C12orf56: variants seen among roughly 807,000 people sequenced by gnomAD.
The protein encoded by C12orf56 is uncharacterized protein C12orf56.
C12orf56 carries 71 observed loss-of-function variants against 69.9 expected under a neutral mutation model. The ratio of observed to expected loss-of-function variants is 1.02; its 90% CI spans 0.84 to 1.24. C12orf56 has a LOEUF of 1.24. C12orf56 is among the 50% of genes most tolerant of loss of function. The pLI, the probability that C12orf56 is intolerant of heterozygous loss-of-function variation, is 0.00. For missense variants in C12orf56, 732 were observed against 738.5 expected (o/e 0.99, Z 0.10); for synonymous variants, 276 against 274.1 (o/e 1.01, Z -0.07).
chr12:64,270,737 C>T, intron 11 of C12orf56, 23 bp from the exon 12 acceptor site: 1 of 1,567,758 alleles, frequency 6.4e-7, no homozygotes, highest in Non-Finnish European at 8.6e-7. Context: ...AATACAGTTA[C>T]ATGTAGGCTG....
At chr12:64,272,299 G>C (rs2136744357) in intron 11 of C12orf56, among the ~76,000 whole-genome samples, 1 of 152,282 alleles carries the variant, frequency 6.6e-6, no homozygotes, top group African/African-American at 2.4e-5. Flanking sequence ...GAGGTCAGGA[G>C]TTTGAGACCA....
chr12:64,267,538 C>T, intron 12 of C12orf56: 1 of 470,596 alleles, frequency 2.1e-6, no homozygotes, highest in Non-Finnish European at 3.8e-6. Context: ...ACTGTCCTCA[C>T]CACAGTATGA....
At position 64,264,877 on chromosome 12, in the gene C12orf56, T is replaced by G. The variant is rs2037904334; in HGVS notation, c.*2306A>C. 1.3e-5 allele frequency: 2 copies of G among 152,224 alleles called. No individual in the cohort carries two copies. Among genetic ancestry groups the G allele is most frequent in the Non-Finnish European group, 2.9e-5 (2 of 68,046 alleles). 9.4% of individuals were successfully genotyped at this position (152,224 alleles called of 1,614,324 possible). ...ATCAGGGTGACAAATATTCAACCAT[T>G]AACTCTCCAAAAAACCACTGACTTT... On this transcript the variant is annotated 3_prime_UTR_variant, in exon 13 of 13. Transcript: ENST00000543942.
chr12:64,311,281 A>G (rs1168382749), intron 5 of C12orf56, among the ~76,000 whole-genome samples: 2 of 151,958 alleles, frequency 1.3e-5, no homozygotes, highest in Non-Finnish European at 1.5e-5. Context: ...CTAAAAATAA[A>G]AAAATTAGCC....
At chr12:64,304,053 C>G (rs556647014) in intron 5 of C12orf56, among the ~76,000 whole-genome samples, 1 of 152,120 alleles carries the variant, frequency 6.6e-6, no homozygotes, top group Non-Finnish European at 1.5e-5. Context: ...AAATTTCTGT[C>G]CCTCTTTCAT....
At chr12:64,365,016 A>G (rs533894297) in intron 1 of C12orf56, among the ~76,000 whole-genome samples, 42 of 152,198 alleles carry the variant, frequency 2.8e-4, no homozygotes, top group Non-Finnish European at 4.3e-4. Flanking sequence ...AGATGGGGAA[A>G]GGAAAATAAA....
intron 1 of C12orf56, among the ~76,000 whole-genome samples, chr12:64,374,726 T>C (rs1204053548): frequency 6.6e-6 from 1 of 151,756 alleles, no homozygotes; most frequent in Non-Finnish European, 1.5e-5. Flanking sequence ...AAATTTTTAT[T>C]AGAGACAGGA....
At chr12:64,269,570 C>T (rs1367276083) in intron 12 of C12orf56, among the ~76,000 whole-genome samples, 1 of 149,522 alleles carries the variant, frequency 6.7e-6, no homozygotes, top group Non-Finnish European at 1.5e-5. Context: ...AATTTATTAT[C>T]CTCTTCAGTG....
chr12:64,385,447 T>C (rs1465814308), intron 1 of C12orf56, among the ~76,000 whole-genome samples: 1 of 152,216 alleles, frequency 6.6e-6, no homozygotes, highest in Non-Finnish European at 1.5e-5. Context: ...ATGTGACATA[T>C]GTCAGGAACT....
At position 64,312,694 on chromosome 12, in the gene C12orf56, C is replaced by T; in HGVS notation, c.953G>A (p.Ser318Asn). Residue 318 changes from serine to asparagine, a missense_variant, in exon 5 of 13, where the codon AGT (serine) becomes AAT (asparagine). Coordinates refer to ENST00000543942, the MANE Select transcript of C12orf56 (RefSeq NM_001170633.2). ...YASEFSPAIGSQKPYRSEEKI... is the reference protein window; with the variant it reads ...YASEFSPAIGNQKPYRSEEKI... ...CACTTCTTACCTATATGGCTTTTGA[C>T]TTCCAATAGCAGGACTGAACTCACT... 1 of 1,535,952 alleles carries T rather than the reference C, an allele frequency of 6.5e-7. No homozygotes were observed. The highest frequency in any genetic ancestry group is 8.7e-7 in the Non-Finnish European group (1 of 1,145,826).
chr12:64,295,495 A>C (rs547394290), intron 6 of C12orf56, among the ~76,000 whole-genome samples: 112 of 152,198 alleles, frequency 7.4e-4, no homozygotes, highest in African/African-American at 2.4e-3. Flanking sequence ...TACAAAAAAA[A>C]CAAAAATTAG....
intron 2 of C12orf56, among the ~76,000 whole-genome samples, chr12:64,347,284 CTTT>C (rs35011865): frequency 0.018 from 2,238 of 121,776 alleles, 48 homozygotes; most frequent in African/African-American, 0.059. Context: ...AGCCTAGTAA[CTTT>C]TTTTTTTTTT....
intron 9 of C12orf56, among the ~76,000 whole-genome samples, chr12:64,276,993 T>TTAAAAAAAAAAAA (rs1230405671): frequency 1.4e-5 from 1 of 69,218 alleles, no homozygotes; most frequent in African/African-American, 5.8e-5. Flanking sequence ...AACCCTTTCT[T>TTAAAAAAAAAAAA]AAAAAAAAAA....
At position 64,366,297 on chromosome 12, in the gene C12orf56, A is replaced by ATATTATATATTATATACAGTT. The variant is rs1443693087; in HGVS notation, c.253-13262_253-13242dup. ...ATATTATATATAATATACAGTTTAT[A>ATATTATATATTATATACAGTT]TATTATATATTATATACAGTTTATT... On this transcript the variant is annotated intron_variant, in intron 1 of 12. Transcript: ENST00000543942. 3.4e-3 allele frequency among the ~76,000 whole-genome samples: 70 copies of ATATTATATATTATATACAGTT among 20,432 alleles called. 7 individuals are homozygous for ATATTATATATTATATACAGTT. Among genetic ancestry groups the ATATTATATATTATATACAGTT allele is most frequent in the South Asian group, 6.0e-3 (4 of 664 alleles). 13.4% of individuals were successfully genotyped at this position (20,432 alleles called of 152,430 possible). A position where few individuals can be genotyped will look rare whatever the true frequency, so the allele number is the denominator to read the frequency against.
At chr12:64,332,019 C>T (rs2038937026) in intron 2 of C12orf56, among the ~76,000 whole-genome samples, 2 of 151,674 alleles carry the variant, frequency 1.3e-5, no homozygotes, top group Admixed American at 1.3e-4. Flanking sequence ...GTTTTAGTGC[C>T]CCTGGCCAGG....
At chr12:64,371,907 T>C (rs574646592) in intron 1 of C12orf56, among the ~76,000 whole-genome samples, 13 of 141,560 alleles carry the variant, frequency 9.2e-5, no homozygotes, top group African/African-American at 2.6e-4. Flanking sequence ...TGATTTCTTT[T>C]TTTTTTTTTT....
intron 5 of C12orf56, among the ~76,000 whole-genome samples, chr12:64,306,268 T>C (rs1444606950): frequency 6.6e-6 from 1 of 152,158 alleles, no homozygotes. Context: ...CAAACTTCAT[T>C]TGACTGAAGA....
chr12:64,385,107 T>C (rs889912126), intron 1 of C12orf56, among the ~76,000 whole-genome samples: 2 of 151,858 alleles, frequency 1.3e-5, no homozygotes, highest in Non-Finnish European at 2.9e-5. Context: ...GGTATTTTGA[T>C]GCACCCAAGA....
At chr12:64,278,773 C>A (rs986962541) in intron 8 of C12orf56, among the ~76,000 whole-genome samples, 1 of 151,794 alleles carries the variant, frequency 6.6e-6, no homozygotes, top group Non-Finnish European at 1.5e-5. Context: ...AAGCCTCTGA[C>A]AACCACCATT....
Sources: allele counts gnomAD v4.1 joint callset (sites outside exome capture counted in the v4.1 genomes callset), GRCh38; gene constraint gnomAD v4.1.1; transcripts MANE v1.5; gene names NCBI Gene and HGNC (gene_info 2026-07-23, HGNC 2026-07-21).